The following GPR149 variants were observed in gnomAD, a reference collection of about 807,000 sequenced individuals.
GPR149 encodes probable G protein-coupled receptor 149.
In GPR149, 50 loss-of-function variants were observed where a neutral mutation model predicts 50.2. The observed-to-expected ratio is 1.00, with a 90% CI of 0.79 to 1.26. The LOEUF (loss-of-function observed/expected upper bound fraction) is 1.26. Ranked by LOEUF, GPR149 falls within the 50% of genes most tolerant of loss-of-function variation. The probability of loss-of-function intolerance (pLI) is 0.00; values close to 1 mark genes in which losing one functional copy is unlikely to be tolerated. For synonymous variants in GPR149, 405 were observed against 358.2 expected, an observed-to-expected ratio of 1.13 and a Z score of -1.48; for missense variants, 983 against 895.4, an observed-to-expected ratio of 1.10 and a Z score of -1.25.
chr3:154,362,062 G>C (rs991857610), intron 3 of GPR149, among the ~76,000 whole-genome samples: 7 of 152,030 alleles, frequency 4.6e-5, no homozygotes, highest in African/African-American at 1.7e-4. Context: ...AAAAAAGACA[G>C]GTGGATCATG....
intron 3 of GPR149, among the ~76,000 whole-genome samples, chr3:154,371,931 C>T (rs999362569): frequency 2.0e-5 from 3 of 151,702 alleles, no homozygotes; most frequent in Non-Finnish European, 4.4e-5. Flanking sequence ...TACAAATGGT[C>T]TTACAAATGG....
intron 3 of GPR149, among the ~76,000 whole-genome samples, chr3:154,364,769 C>T (rs1714491510): frequency 6.6e-6 from 1 of 152,222 alleles, no homozygotes; most frequent in Admixed American, 6.5e-5. Flanking sequence ...GGGATCCCAC[C>T]CCCATGGCTT....
chr3:154,399,734 A>G (rs922574352), intron 3 of GPR149, among the ~76,000 whole-genome samples: 10 of 152,160 alleles, frequency 6.6e-5, no homozygotes, highest in African/African-American at 2.4e-4. Flanking sequence ...TTGGTGCACT[A>G]TTATTAGGAA....
intron 3 of GPR149, among the ~76,000 whole-genome samples, chr3:154,381,278 C>T (rs1221059302): frequency 2.6e-5 from 4 of 152,154 alleles, no homozygotes; most frequent in Non-Finnish European, 5.9e-5. Context: ...TTGCTATTCA[C>T]ATGATCTCAT....
chr3:154,347,607 A>G (rs1314384088), intron 3 of GPR149, among the ~76,000 whole-genome samples: 2 of 152,258 alleles, frequency 1.3e-5, no homozygotes, highest in East Asian at 3.8e-4. Flanking sequence ...TATATAATAT[A>G]ATCACACGGG....
chr3:154,426,880 G>A (rs1322580814), intron 2 of GPR149, among the ~76,000 whole-genome samples: 9 of 40,822 alleles, frequency 2.2e-4, no homozygotes, highest in South Asian at 8.4e-4. Context: ...GCGTGTGTGT[G>A]TGTGTGTGTG....
At chr3:154,347,970 C>T (rs376784619) in intron 3 of GPR149, among the ~76,000 whole-genome samples, 126 of 152,314 alleles carry the variant, frequency 8.3e-4, no homozygotes, top group African/African-American at 2.8e-3. Flanking sequence ...GAGTCGCATA[C>T]ACCTGAGTCA....
rs76232316 is a variant in GPR149 at position 154,420,986 on chromosome 3, T to C, written c.1623+53A>G. ...AACAACTGATAATGTTTTTCATGAC[T>C]ATCATATTTAGTATCACTTTCAATT... On this transcript the variant is annotated intron_variant, in intron 3 of 3. Coordinates refer to ENST00000389740, the MANE Select transcript of GPR149 (RefSeq NM_001038705.3). 1,041 of 1,274,226 alleles carry C rather than the reference T, an allele frequency of 8.2e-4. 6 individuals are homozygous for C. The African/African-American group carries it at 0.013, about 16-fold the overall frequency. The allele number at this position is 1,274,226 out of a possible 1,614,324, so 78.9% of individuals were successfully genotyped here.
intron 3 of GPR149, among the ~76,000 whole-genome samples, chr3:154,398,545 A>G (rs571065949): frequency 6.6e-6 from 1 of 152,254 alleles, no homozygotes; most frequent in South Asian, 2.1e-4. Flanking sequence ...TGGTTTTTCA[A>G]TTTACACAGC....
At chr3:154,342,050 C>G (rs1048247420) in intron 3 of GPR149, among the ~76,000 whole-genome samples, 1 of 152,088 alleles carries the variant, frequency 6.6e-6, no homozygotes, top group Non-Finnish European at 1.5e-5. Context: ...ATGTTACATG[C>G]AAAAATTTTA....
At chr3:154,365,196 C>T (rs959296880) in intron 3 of GPR149, among the ~76,000 whole-genome samples, 1 of 152,122 alleles carries the variant, frequency 6.6e-6, no homozygotes, top group African/African-American at 2.4e-5. Flanking sequence ...ACCTTTTAAC[C>T]CCACAGCTGG....
rs567408794 is a variant in GPR149, at chr3:154,381,455, A to G, written c.1623+39584T>C. ...GAGAAATCAAGCTTTTTAAACTAGC[A>G]TTTTTCTTGAGTGCCAAGAAAAATA... is the stretch of plus-strand genomic sequence containing the variant. On this transcript the variant is annotated intron_variant, in intron 3 of 3. Transcript: ENST00000389740. Among the ~76,000 whole-genome samples the G allele has an allele frequency of 3.3e-5, 5 of 152,282 alleles. No individual in the cohort carries two copies. In the South Asian group the frequency reaches 8.3e-4, roughly 25 times the overall value.
At chr3:154,340,894 GT>G (rs1448711869) in intron 3 of GPR149, among the ~76,000 whole-genome samples, 4 of 152,094 alleles carry the variant, frequency 2.6e-5, no homozygotes, top group African/African-American at 9.7e-5. Flanking sequence ...GCTAGTTTCT[GT>G]ATTTTTAGTA....
chr3:154,378,266 G>C (rs140999828), intron 3 of GPR149, among the ~76,000 whole-genome samples: 1 of 151,368 alleles, frequency 6.6e-6, no homozygotes, highest in East Asian at 1.9e-4. Context: ...TTATTATTTC[G>C]CATTTTTAGT....
rs1057474530 is a variant in GPR149 at position 154,337,978 on chromosome 3, G to A, written c.1917C>T (p.Asn639=). The part of the protein sequence containing the change: ...EALDTVSIIS[N]ISQSSTQVRS... Reference sequence around the variant, plus strand: ...TGACTTGTGTGGAGGACTGACTGATGTTACTAATGATTGACACAGTGTCCA... The same window carrying A: ...TGACTTGTGTGGAGGACTGACTGATATTACTAATGATTGACACAGTGTCCA... Residue 639 remains asparagine, a synonymous_variant, in exon 4 of 4, where the codon AAC becomes AAT. Transcript: ENST00000389740. 4 of 1,614,018 alleles carry A rather than the reference G, an allele frequency of 2.5e-6. No homozygotes were observed. The highest frequency in any genetic ancestry group is 4.5e-5 in the East Asian group (2 of 44,890).
chr3:154,385,798 T>A (rs1433509064), intron 3 of GPR149, among the ~76,000 whole-genome samples: 1 of 151,860 alleles, frequency 6.6e-6, no homozygotes, highest in Non-Finnish European at 1.5e-5. Flanking sequence ...ACCTTCCGGG[T>A]TCACACCATT....
chr3:154,428,972 C>T lies in GPR149; in HGVS notation c.644G>A (p.Arg215Gln). The stretch of plus-strand genomic sequence containing the variant: ...CGGCGGCTCCTCCGAACACAGCAAT[C>T]GGTGAGTGAGTGGGACTGAGAGGCC... The part of the protein sequence containing the change: ...LVGLSVPLTH[R>Q]LLCSEEPPRL... Residue 215 changes from arginine to glutamine, a missense_variant, in exon 1 of 4, where the codon CGA (arginine) becomes CAA (glutamine). Arg to Gln is a conservative substitution (Grantham distance 43). Transcript: ENST00000389740. 1 of 1,613,884 alleles carries T rather than the reference C, an allele frequency of 6.2e-7. No individual in the cohort carries two copies. Among genetic ancestry groups the T allele is most frequent in the Middle Eastern group, 1.6e-4 (1 of 6,062 alleles).
Position 154,337,725 on chromosome 3 carries a change from T to C in GPR149, c.2170A>G (p.Arg724Gly), listed in dbSNP as rs1224240049. Residue 724 changes from arginine (R) to glycine (G), a missense_variant, in exon 4 of 4, where the codon AGA (arginine) becomes GGA (glycine). Physicochemically the swap from Arg to Gly is moderately radical, Grantham distance 125. Coordinates refer to ENST00000389740, the MANE Select transcript of GPR149 (RefSeq NM_001038705.3). The part of the protein sequence containing the change: ...IQLLNKAYRK[R>G]EEESKGS ...TAACTACCCTTGCTTTCTTCCTCTC[T>C]TTTTCTGTAAGCTTTATTTAACAAC... 1.9e-6 allele frequency: 3 copies of C among 1,606,160 alleles called. No individual in the cohort carries two copies. The highest frequency in any genetic ancestry group is 1.7e-5 in the Admixed American group (1 of 59,202).
intron 3 of GPR149, among the ~76,000 whole-genome samples, chr3:154,400,282 G>A (rs1406627718): frequency 1.3e-5 from 2 of 152,046 alleles, no homozygotes; most frequent in African/African-American, 2.4e-5. Flanking sequence ...CACCGCGCCC[G>A]GCCCTTATTT....
Sources: allele counts gnomAD v4.1 joint callset (sites outside exome capture counted in the v4.1 genomes callset), GRCh38; gene constraint gnomAD v4.1.1; transcripts MANE v1.5; gene names NCBI Gene and HGNC (gene_info 2026-07-23, HGNC 2026-07-21).